AUH: variants seen among roughly 807,000 people sequenced by gnomAD.
AUH encodes methylglutaconyl-CoA hydratase, mitochondrial.
In AUH, 29 loss-of-function variants were observed where a neutral mutation model predicts 42.3. The ratio of observed to expected loss-of-function variants is 0.69; its 90% CI spans 0.51 to 0.93. AUH has a LOEUF of 0.93. AUH is among the 40% of genes least tolerant of loss of function. AUH has a pLI of 0.00. For synonymous variants in AUH, 174 were observed against 166.4 expected (o/e 1.05, Z -0.35); for missense variants, 452 against 438.1 (o/e 1.03, Z -0.28).
intron 6 of AUH, among the ~76,000 whole-genome samples, chr9:91,287,648 A>C (rs1045401510): frequency 1.3e-5 from 2 of 152,170 alleles, no homozygotes; most frequent in African/African-American, 4.8e-5. Context: ...GTTATAGAAA[A>C]CAAAAAACAT....
intron 6 of AUH, among the ~76,000 whole-genome samples, chr9:91,228,389 C>T (rs369460534): frequency 6.0e-5 from 9 of 149,134 alleles, no homozygotes; most frequent in African/African-American, 1.2e-4. Flanking sequence ...TCTGTGGGAT[C>T]GGTGGTGATA....
rs2457713 is a variant in AUH, at chr9:91,326,488, T to C, written c.419-1084A>G. The stretch of plus-strand genomic sequence containing the variant: ...AATAAAACAAGGACATAATTATAAA[T>C]AGAATGTTACCTGTATAAGCATGAA... On this transcript the variant is annotated intron_variant, in intron 3 of 9. Transcript: ENST00000375731. 2.5e-3 allele frequency among the ~76,000 whole-genome samples: 384 copies of C among 152,196 alleles called. 1 individual carries two copies. Among genetic ancestry groups the C allele is most frequent in the Non-Finnish European group, 4.4e-3 (302 of 68,004 alleles).
intron 4 of AUH, 39 bp downstream of exon 4, chr9:91,325,279 C>G: frequency 6.6e-7 from 1 of 1,522,136 alleles, no homozygotes. Context: ...ATTTAAGAAC[C>G]CCTTCGGCAT....
chr9:91,290,792 T>C (rs766538832), intron 6 of AUH, among the ~76,000 whole-genome samples: 1 of 152,176 alleles, frequency 6.6e-6, no homozygotes, highest in Non-Finnish European at 1.5e-5. Context: ...AAACTTTTCA[T>C]AATCAAGTCA....
At chr9:91,274,218 A>G (rs971847429) in intron 6 of AUH, among the ~76,000 whole-genome samples, 1 of 152,354 alleles carries the variant, frequency 6.6e-6, no homozygotes, top group Admixed American at 6.5e-5. Flanking sequence ...GAAAATACAA[A>G]ATATAGAGAA....
At chr9:91,278,053 G>A (rs944415802) in intron 6 of AUH, among the ~76,000 whole-genome samples, 1 of 152,136 alleles carries the variant, frequency 6.6e-6, no homozygotes, top group African/African-American at 2.4e-5. Context: ...TTAATGATGA[G>A]GTGTCAGGAA....
intron 6 of AUH, among the ~76,000 whole-genome samples, chr9:91,243,827 T>C (rs188745142): frequency 1.2e-4 from 19 of 152,198 alleles, no homozygotes; most frequent in African/African-American, 4.6e-4. Flanking sequence ...TGACTATAAC[T>C]AAAGCTATAA....
chr9:91,246,044 T>G (rs989718209), intron 6 of AUH, among the ~76,000 whole-genome samples: 1 of 152,166 alleles, frequency 6.6e-6, no homozygotes, highest in African/African-American at 2.4e-5. Context: ...GAAACAGATA[T>G]GAGCAGATTC....
At chr9:91,250,748 C>T (rs1472144431) in intron 6 of AUH, among the ~76,000 whole-genome samples, 1 of 152,200 alleles carries the variant, frequency 6.6e-6, no homozygotes, top group Non-Finnish European at 1.5e-5. Flanking sequence ...TTCTAGTTTC[C>T]AATATTTAAT....
At chr9:91,230,231 T>A (rs1353758430) in intron 6 of AUH, among the ~76,000 whole-genome samples, 3 of 152,164 alleles carry the variant, frequency 2.0e-5, no homozygotes, top group Non-Finnish European at 2.9e-5. Context: ...CATAGTCCCA[T>A]ATTTCTTGGA....
chr9:91,264,923 G>A (rs1351523830), intron 6 of AUH, among the ~76,000 whole-genome samples: 1 of 152,094 alleles, frequency 6.6e-6, no homozygotes, highest in Non-Finnish European at 1.5e-5. Flanking sequence ...TTACCTTTGG[G>A]TTTTGTAGGC....
chr9:91,324,279 G>A (rs933969456), intron 4 of AUH, among the ~76,000 whole-genome samples: 10 of 152,128 alleles, frequency 6.6e-5, no homozygotes, highest in Admixed American at 6.5e-4. Flanking sequence ...GAGGGAGGAG[G>A]ATCGCTTGAG....
chr9:91,298,391 A>G (rs1297923604), intron 4 of AUH, among the ~76,000 whole-genome samples: 1 of 152,230 alleles, frequency 6.6e-6, no homozygotes. Flanking sequence ...TTAGAGCCAG[A>G]AGTCTTTCAC....
chr9:91,260,055 G>A (rs1360311255), intron 6 of AUH, among the ~76,000 whole-genome samples: 1 of 151,924 alleles, frequency 6.6e-6, no homozygotes, highest in African/African-American at 2.4e-5. Context: ...TTCATTCTAT[G>A]TATATTGAAG....
chr9:91,245,484 A>T (rs1416698450), intron 6 of AUH, among the ~76,000 whole-genome samples: 1 of 152,200 alleles, frequency 6.6e-6, no homozygotes, highest in Non-Finnish European at 1.5e-5. Flanking sequence ...AAAATATCAA[A>T]ATCACCTAAT....
chr9:91,256,355 G>A (rs1199951917), intron 6 of AUH, among the ~76,000 whole-genome samples: 1 of 152,024 alleles, frequency 6.6e-6, no homozygotes, highest in Non-Finnish European at 1.5e-5. Flanking sequence ...CCAACCTGAG[G>A]GCAAAGACTA....
In AUH at chr9:91,256,129, T is replaced by C. The variant is rs148113318; in HGVS notation, c.656-35137A>G. On this transcript the variant is annotated intron_variant, in intron 6 of 9. Transcript: ENST00000375731. Reference sequence around the variant, plus strand: ...GCTTTTGGCTACTCCATTAAATCAGTTAGTGAGGCTTATACTGTAAAACAA... The same window carrying C: ...GCTTTTGGCTACTCCATTAAATCAGCTAGTGAGGCTTATACTGTAAAACAA... Among the ~76,000 whole-genome samples the C allele has an allele frequency of 8.1e-4, 124 of 152,270 alleles. 1 individual carries two copies. The highest frequency in any genetic ancestry group is 2.8e-3 in the African/African-American group (116 of 41,520).
chr9:91,266,788 T>A (rs904717589), intron 6 of AUH, among the ~76,000 whole-genome samples: 1 of 152,200 alleles, frequency 6.6e-6, no homozygotes, highest in South Asian at 2.1e-4. Flanking sequence ...CTGGGGCACA[T>A]AAAGGAACAG....
chr9:91,241,822 C>T (rs577908842), intron 6 of AUH, among the ~76,000 whole-genome samples: 9 of 152,138 alleles, frequency 5.9e-5, no homozygotes, highest in Non-Finnish European at 1.3e-4. Context: ...GAAAACAAAT[C>T]AACTATGTAA....
Sources: allele counts gnomAD v4.1 joint callset (sites outside exome capture counted in the v4.1 genomes callset), GRCh38; gene constraint gnomAD v4.1.1; transcripts MANE v1.5; gene names NCBI Gene and HGNC (gene_info 2026-07-23, HGNC 2026-07-21).